The following ZNF804A variants were observed in gnomAD, a reference collection of about 807,000 sequenced individuals.
The protein encoded by ZNF804A is zinc finger protein 804A.
Under a neutral mutation model 16.5 loss-of-function variants are expected in ZNF804A, and 2 were observed. That is an observed-to-expected ratio of 0.12 (90% CI 0.05 to 0.38). ZNF804A has a LOEUF of 0.38. ZNF804A is among the 10% of genes least tolerant of loss of function. The pLI, the probability that ZNF804A is intolerant of heterozygous loss-of-function variation, is 0.99. For missense variants in ZNF804A, 1,473 were observed against 1,390.7 expected, an observed-to-expected ratio of 1.06 and a Z score of -0.94; for synonymous variants, 534 against 489.6, an observed-to-expected ratio of 1.09 and a Z score of -1.20.
chr2:184,841,787 G>T (rs1363238273), intron 1 of ZNF804A, among the ~76,000 whole-genome samples: 1 of 151,956 alleles, frequency 6.6e-6, no homozygotes, highest in East Asian at 1.9e-4. Flanking sequence ...TTTTTGCTGT[G>T]TCAATTTTTT....
At chr2:184,909,964 A>G (rs971053541) in intron 2 of ZNF804A, among the ~76,000 whole-genome samples, 2 of 151,818 alleles carry the variant, frequency 1.3e-5, no homozygotes, top group Non-Finnish European at 2.9e-5. Flanking sequence ...TTCATTTTCT[A>G]TTTTTTTATT....
chr2:184,898,454 C>T (rs1341810099), intron 2 of ZNF804A, among the ~76,000 whole-genome samples: 2 of 152,028 alleles, frequency 1.3e-5, no homozygotes, highest in African/African-American at 4.8e-5. Flanking sequence ...TAACAGTTTT[C>T]GTTATCTATA....
At chr2:184,681,434 T>G (rs552299688) in intron 1 of ZNF804A, among the ~76,000 whole-genome samples, 1 of 152,314 alleles carries the variant, frequency 6.6e-6, no homozygotes, top group Admixed American at 6.5e-5. Flanking sequence ...GTGACATTAT[T>G]CTTGTGCAAA....
chr2:184,636,334 G>GAT, intron 1 of ZNF804A, among the ~76,000 whole-genome samples: 1 of 150,862 alleles, frequency 6.6e-6, no homozygotes, highest in Non-Finnish European at 1.5e-5. Context: ...GAGAGAGAGA[G>GAT]AGAAAGAGAG....
At chr2:184,607,984 C>G (rs1405877899) in intron 1 of ZNF804A, among the ~76,000 whole-genome samples, 2 of 107,802 alleles carry the variant, frequency 1.9e-5, no homozygotes, top group Non-Finnish European at 1.7e-5. Context: ...CTCGCTCTGT[C>G]GCCCAGGCTG....
intron 1 of ZNF804A, among the ~76,000 whole-genome samples, chr2:184,700,649 C>T (rs574449549): frequency 8.5e-5 from 13 of 152,092 alleles, no homozygotes; most frequent in African/African-American, 3.1e-4. Context: ...AGACAGCAAT[C>T]TGGAAAAGAA....
intron 1 of ZNF804A, among the ~76,000 whole-genome samples, chr2:184,659,150 G>A (rs759633782): frequency 1.3e-5 from 2 of 152,104 alleles, no homozygotes; most frequent in African/African-American, 2.4e-5. Flanking sequence ...TTTCTGGTTC[G>A]TCTTGAGTTT....
chr2:184,660,923 T>TA (rs1174682615), intron 1 of ZNF804A, among the ~76,000 whole-genome samples: 5 of 152,264 alleles, frequency 3.3e-5, no homozygotes, highest in Non-Finnish European at 7.3e-5. Context: ...TCTATTCTCA[T>TA]TAATATTGAG....
At chr2:184,704,570 A>C (rs1692990908) in intron 1 of ZNF804A, among the ~76,000 whole-genome samples, 1 of 152,192 alleles carries the variant, frequency 6.6e-6, no homozygotes, top group African/African-American at 2.4e-5. Context: ...AAGATTAGTG[A>C]AAAAATAAAT....
intron 2 of ZNF804A, among the ~76,000 whole-genome samples, chr2:184,887,645 G>A (rs1684916764): frequency 6.6e-6 from 1 of 152,168 alleles, no homozygotes; most frequent in Non-Finnish European, 1.5e-5. Flanking sequence ...GAGAAAACGA[G>A]GAGGAAGCAA....
At chr2:184,731,741 T>A (rs1693525397) in intron 1 of ZNF804A, among the ~76,000 whole-genome samples, 1 of 151,874 alleles carries the variant, frequency 6.6e-6, no homozygotes, top group African/African-American at 2.4e-5. Context: ...GGCTATTTTT[T>A]ATTTTTATTT....
At chr2:184,931,199 C>T (rs1410097482) in intron 2 of ZNF804A, among the ~76,000 whole-genome samples, 16 of 152,208 alleles carry the variant, frequency 1.1e-4, no homozygotes, top group Non-Finnish European at 4.4e-5. Context: ...ATCTACCATT[C>T]TGCTGTCTGG....
intron 1 of ZNF804A, among the ~76,000 whole-genome samples, chr2:184,707,131 A>G (rs1426018205): frequency 6.6e-6 from 1 of 152,168 alleles, no homozygotes; most frequent in Non-Finnish European, 1.5e-5. Flanking sequence ...CAAATATAGT[A>G]TGGAAATATT....
At chr2:184,774,193 G>A (rs1228282605) in intron 1 of ZNF804A, among the ~76,000 whole-genome samples, 4 of 151,812 alleles carry the variant, frequency 2.6e-5, no homozygotes, top group African/African-American at 7.3e-5. Flanking sequence ...GGCTTTGTTG[G>A]TGATGATTAA....
At chr2:184,616,995 C>T (rs1190080488) in intron 1 of ZNF804A, among the ~76,000 whole-genome samples, 1 of 152,080 alleles carries the variant, frequency 6.6e-6, no homozygotes, top group Admixed American at 6.6e-5. Context: ...CTCCTCTCAT[C>T]ATTTTCTTAG....
At chr2:184,760,753 G>A (rs1040638392) in intron 1 of ZNF804A, among the ~76,000 whole-genome samples, 1 of 152,014 alleles carries the variant, frequency 6.6e-6, no homozygotes, top group African/African-American at 2.4e-5. Flanking sequence ...TCACAACCAG[G>A]TCTCTAGAAT....
At chr2:184,775,669 A>G (rs538000516) in intron 1 of ZNF804A, among the ~76,000 whole-genome samples, 58 of 151,794 alleles carry the variant, frequency 3.8e-4, no homozygotes, top group African/African-American at 1.3e-3. Context: ...ACTTCCCCCA[A>G]GCAATTTCCC....
chr2:184,919,287 G>T (rs555258907), intron 2 of ZNF804A, among the ~76,000 whole-genome samples: 1 of 152,178 alleles, frequency 6.6e-6, no homozygotes, highest in Non-Finnish European at 1.5e-5. Flanking sequence ...CAGGCAGCTG[G>T]CTGATCATTC....
At chr2:184,805,073 A>G (rs1340752733) in intron 1 of ZNF804A, among the ~76,000 whole-genome samples, 2 of 152,158 alleles carry the variant, frequency 1.3e-5, no homozygotes, top group Admixed American at 1.3e-4. Flanking sequence ...CTGAGAGGAC[A>G]TTTTCCTTAC....
Sources: allele counts gnomAD v4.1 joint callset (sites outside exome capture counted in the v4.1 genomes callset), GRCh38; gene constraint gnomAD v4.1.1; transcripts MANE v1.5; gene names NCBI Gene and HGNC (gene_info 2026-07-23, HGNC 2026-07-21).